Variants in TTC19 observed in about 807,000 individuals in gnomAD.
The protein encoded by TTC19 is tetratricopeptide repeat protein 19, mitochondrial.
TTC19 carries 38 observed loss-of-function variants against 49.5 expected under a neutral mutation model. That is an observed-to-expected ratio of 0.77 (90% confidence interval 0.59 to 1.01). The LOEUF is 1.01. Among genes scored for constraint, TTC19 ranks in the 50% least tolerant of loss-of-function variants. The pLI is 0.00. For missense variants in TTC19, 475 were observed against 477.7 expected, an observed-to-expected ratio of 0.99 and a Z score of 0.05; for synonymous variants, 204 against 185.2, an observed-to-expected ratio of 1.10 and a Z score of -0.83.
In TTC19 at chr17:15,999,921, T is replaced by C. The variant is rs1970662852; in HGVS notation, c.73T>C (p.Ser25Pro). 17 of 1,350,392 alleles carry C rather than the reference T, an allele frequency of 1.3e-5. No homozygotes were observed. Among genetic ancestry groups the C allele is most frequent in the Non-Finnish European group, 1.6e-5 (17 of 1,059,616 alleles). The allele number at this position is 1,350,392 out of a possible 1,614,324, so 83.7% of individuals were successfully genotyped here. A position where few individuals can be genotyped will look rare whatever the true frequency, so the allele number is the denominator to read the frequency against. The change falls in exon 1 of 10, where the codon TCC (serine) becomes CCC (proline). Residue 25 changes from serine (S) to proline (P), a missense_variant. Ser to Pro is a moderately conservative substitution (Grantham distance 74). Transcript: ENST00000261647. ...RAAGRRCRGC[S>P]ARLLPGLAGG... Reference sequence around the variant, plus strand: ...CGCGGGGCGGCGGTGCCGGGGCTGCTCCGCGCGCCTGCTCCCGGGGCTGGC... The same window carrying C: ...CGCGGGGCGGCGGTGCCGGGGCTGCCCCGCGCGCCTGCTCCCGGGGCTGGC...
chr17:16,006,641 A>G lies in TTC19; in HGVS notation c.676+73A>G, dbSNP rs559614789. On this transcript the variant is annotated intron_variant, in intron 7 of 9. Transcript: ENST00000261647. ...TACTTTACACTTTTGAGAAATGGAA[A>G]GAGATCTAAATTGGGAAGAGGGAAA... The G allele has an allele frequency of 2.9e-5, 31 of 1,069,906 alleles. No homozygotes were observed. The South Asian group carries it at 3.0e-4, about 10-fold the overall frequency. 66.3% of individuals were successfully genotyped at this position (1,069,906 alleles called of 1,614,324 possible).
chr17:16,039,995 G>T, intron 2 of TTC19: 1 of 388,578 alleles, frequency 2.6e-6, no homozygotes, highest in Non-Finnish European at 4.9e-6. Context: ...TCACCATATT[G>T]GTCAGGCTGA....
intron 9 of TTC19, 79 bp from the exon 10 acceptor site, chr17:16,027,295 G>A (rs1207423400): frequency 3.9e-6 from 6 of 1,539,360 alleles, no homozygotes; most frequent in Admixed American, 3.4e-5. Context: ...CCCTATATCT[G>A]CATTCATGCT....
chr17:16,033,083 C>T (rs568008213), downstream of TTC19, among the ~76,000 whole-genome samples: 7 of 152,160 alleles, frequency 4.6e-5, no homozygotes, highest in South Asian at 1.4e-3. Context: ...CAGTGGCTCA[C>T]GCCTGTAATC....
At position 16,000,156 on chromosome 17, in the gene TTC19, G is replaced by A. The variant is rs1387262019; in HGVS notation, c.223G>A (p.Glu75Lys). 6.3e-7 allele frequency: 1 copy of A among 1,587,884 alleles called. No individual in the cohort carries two copies. The highest frequency in any genetic ancestry group is 1.7e-5 in the Admixed American group (1 of 59,008). The change falls in exon 2 of 10, where the codon GAG becomes AAG. Residue 75 changes from glutamate to lysine, a missense_variant. Glu to Lys is a moderately conservative substitution (Grantham distance 56). Coordinates refer to ENST00000261647, the MANE Select transcript of TTC19 (RefSeq NM_017775.4). ...CTCGAGGCCCGCTGCGGCAGAGGAG[G>A]AGGAGCAGCAGGGAGCCGACGGGGC... ...WFSRPAAAEE[E>K]EQQGADGAAA...
chr17:16,040,343 C>A, intron 2 of TTC19: 1 of 981,370 alleles, frequency 1.0e-6, no homozygotes, highest in South Asian at 1.3e-5. Context: ...TTAGAGCAGT[C>A]ACTCCCCTGG....
intron 2 of TTC19, chr17:16,041,001 A>G (rs945043988): frequency 3.2e-5 from 5 of 156,608 alleles, no homozygotes; most frequent in African/African-American, 7.2e-5. Flanking sequence ...TCTGACGAAG[A>G]AGAAACCTTG....
chr17:16,039,411 A>G (rs112993665), intron 2 of TTC19: 11 of 1,604,292 alleles, frequency 6.9e-6, no homozygotes, highest in African/African-American at 4.0e-5. Context: ...GCAGCAGAAA[A>G]GCACTAAAAT....
rs2151640116 is a variant in TTC19 at position 15,999,980 on chromosome 17, A to G, written c.132A>G (p.Pro44=). The G allele has an allele frequency of 1.6e-6, 2 of 1,282,598 alleles. No individual in the cohort carries two copies. The highest frequency in any genetic ancestry group is 2.5e-5 in the South Asian group (1 of 39,344). 79.5% of individuals were successfully genotyped at this position (1,282,598 alleles called of 1,614,324 possible). ...CGGGGCCCGAGGTGCAGGTGCCGCC[A>G]TCCCGAGTCGCGCCGCACGGCCGGG... ...GGPGPEVQVP[P]SRVAPHGRGP... Residue 44 remains proline (P), a synonymous_variant, in exon 1 of 10, where the codon CCA becomes CCG. Coordinates refer to ENST00000261647, the MANE Select transcript of TTC19 (RefSeq NM_017775.4).
At chr17:16,012,772 A>G (rs1411213149) in intron 7 of TTC19, among the ~76,000 whole-genome samples, 1 of 152,094 alleles carries the variant, frequency 6.6e-6, no homozygotes, top group African/African-American at 2.4e-5. Flanking sequence ...TGCCGACCTC[A>G]GGTGATCTGC....
At chr17:16,007,543 A>C (rs1254443616) in intron 7 of TTC19, among the ~76,000 whole-genome samples, 1 of 152,214 alleles carries the variant, frequency 6.6e-6, no homozygotes, top group Non-Finnish European at 1.5e-5. Context: ...TCAAATTGCC[A>C]GTATCACCAC....
At chr17:16,004,043 T>C (rs753275322) in intron 5 of TTC19, among the ~76,000 whole-genome samples, 156 bp downstream of exon 5, 12 of 152,206 alleles carry the variant, frequency 7.9e-5, no homozygotes, top group Non-Finnish European at 1.5e-4. Flanking sequence ...TTTCACTAAA[T>C]GCAACAGCAT....
chr17:16,038,990 C>G (rs191115242), intron 2 of TTC19, among the ~76,000 whole-genome samples: 3 of 152,142 alleles, frequency 2.0e-5, no homozygotes, highest in Non-Finnish European at 2.9e-5. Flanking sequence ...AGGATGGTCT[C>G]GATCTCTTGA....
chr17:16,006,336 G>T, intron 6 of TTC19, 138 bp from the exon 7 acceptor site: 1 of 694,816 alleles, frequency 1.4e-6, no homozygotes, highest in South Asian at 1.5e-5. Flanking sequence ...CTTGAACCCC[G>T]GAGGTGGAGG....
downstream of TTC19, chr17:16,032,537 C>G (rs1239903243): frequency 5.4e-6 from 8 of 1,488,570 alleles, no homozygotes; most frequent in Middle Eastern, 3.6e-4. Context: ...GGTATTTCAT[C>G]CAATCCAACT....
intron 7 of TTC19, among the ~76,000 whole-genome samples, chr17:16,017,584 AC>A (rs1489059895): frequency 6.6e-6 from 1 of 151,736 alleles, no homozygotes; most frequent in Non-Finnish European, 1.5e-5. Flanking sequence ...ACATAGTGAA[AC>A]CCCGTCTCTA....
At chr17:16,040,514 C>G in intron 2 of TTC19, 1 of 1,609,216 alleles carries the variant, frequency 6.2e-7, no homozygotes, top group Non-Finnish European at 8.5e-7. Context: ...AGCAAACATT[C>G]AAGTTAATTA....
intron 2 of TTC19, chr17:16,040,664 A>G (rs1264836306): frequency 4.6e-6 from 3 of 653,530 alleles, no homozygotes; most frequent in South Asian, 3.3e-5. Context: ...TTTTTTTGAG[A>G]CAGGGTCTCA....
intron 7 of TTC19, among the ~76,000 whole-genome samples, chr17:16,020,427 C>T (rs1464456996): frequency 2.0e-5 from 3 of 152,074 alleles, no homozygotes; most frequent in Non-Finnish European, 2.9e-5. Flanking sequence ...TTGTGGGTTA[C>T]GTATCTCTTT....
Sources: allele counts gnomAD v4.1 joint callset (sites outside exome capture counted in the v4.1 genomes callset), GRCh38; gene constraint gnomAD v4.1.1; transcripts MANE v1.5; gene names NCBI Gene and HGNC (gene_info 2026-07-23, HGNC 2026-07-21).